PLCB1: variants seen among roughly 807,000 people sequenced by gnomAD.
PLCB1 encodes 1-phosphatidylinositol 4,5-bisphosphate phosphodiesterase beta-1.
PLCB1 carries 46 observed loss-of-function variants against 161.8 expected under a neutral mutation model. The ratio of observed to expected loss-of-function variants is 0.28; its 90% CI spans 0.22 to 0.36. The LOEUF is 0.36. Ranked by LOEUF, PLCB1 falls within the 10% of genes least tolerant of loss-of-function variation. The probability of loss-of-function intolerance (pLI) is 1.00; values close to 1 mark genes in which losing one functional copy is unlikely to be tolerated. For synonymous variants in PLCB1, 517 were observed against 503.7 expected (o/e 1.03, Z -0.35); for missense variants, 1,016 against 1,472.5 (o/e 0.69, Z 5.07).
intron 2 of PLCB1, among the ~76,000 whole-genome samples, chr20:8,274,643 A>T (rs1982441311): frequency 6.6e-6 from 1 of 152,094 alleles, no homozygotes; most frequent in African/African-American, 2.4e-5. Context: ...TTCTTCTCTA[A>T]ATTGTCTCTA....
At chr20:8,367,228 A>T (rs1341984926) in intron 2 of PLCB1, among the ~76,000 whole-genome samples, 1 of 152,254 alleles carries the variant, frequency 6.6e-6, no homozygotes, top group Non-Finnish European at 1.5e-5. Context: ...TCATATTAAC[A>T]AAAGTAATGT....
chr20:8,171,131 C>G (rs2051728577), intron 2 of PLCB1, among the ~76,000 whole-genome samples: 1 of 151,994 alleles, frequency 6.6e-6, no homozygotes, highest in Admixed American at 6.6e-5. Context: ...CTGTAAATAT[C>G]AAGTGAAGTT....
chr20:8,634,588 G>T (rs905131126), intron 4 of PLCB1, among the ~76,000 whole-genome samples: 1 of 152,128 alleles, frequency 6.6e-6, no homozygotes, highest in Admixed American at 6.5e-5. Flanking sequence ...CCTATTTCCT[G>T]AAATTCTCTC....
At chr20:8,339,289 A>G (rs1052973426) in intron 2 of PLCB1, among the ~76,000 whole-genome samples, 1 of 152,146 alleles carries the variant, frequency 6.6e-6, no homozygotes, top group African/African-American at 2.4e-5. Flanking sequence ...GATGGTCTTG[A>G]TCACAGTGGT....
chr20:8,699,033 G>T (rs569928758), intron 11 of PLCB1, among the ~76,000 whole-genome samples: 1 of 152,218 alleles, frequency 6.6e-6, no homozygotes, highest in South Asian at 2.1e-4. Flanking sequence ...GGAAATCTGG[G>T]GTCCTAGGTA....
intron 2 of PLCB1, among the ~76,000 whole-genome samples, chr20:8,214,100 G>A (rs914911929): frequency 1.3e-5 from 2 of 152,136 alleles, no homozygotes; most frequent in Non-Finnish European, 2.9e-5. Context: ...GAGGTAAAGA[G>A]CAGTCTTACA....
chr20:8,135,554 G>T (rs549586932), intron 1 of PLCB1, among the ~76,000 whole-genome samples: 12 of 152,288 alleles, frequency 7.9e-5, no homozygotes, highest in African/African-American at 2.9e-4. Flanking sequence ...ATACCCTGTT[G>T]TACCAGGGCC....
chr20:8,678,647 G>A (rs558810310), intron 9 of PLCB1, among the ~76,000 whole-genome samples: 1 of 152,158 alleles, frequency 6.6e-6, no homozygotes, highest in South Asian at 2.1e-4. Flanking sequence ...CACACAGGTG[G>A]CTTCTTAGCT....
chr20:8,273,174 G>A, intron 2 of PLCB1, among the ~76,000 whole-genome samples: 1 of 152,130 alleles, frequency 6.6e-6, no homozygotes, highest in East Asian at 1.9e-4. Flanking sequence ...CATCATTAAA[G>A]CTGGATGAAC....
chr20:8,519,637 A>G (rs943895047), intron 3 of PLCB1, among the ~76,000 whole-genome samples: 1 of 152,082 alleles, frequency 6.6e-6, no homozygotes, highest in Non-Finnish European at 1.5e-5. Flanking sequence ...AAGGCAGGAG[A>G]CACATTCAGG....
intron 9 of PLCB1, among the ~76,000 whole-genome samples, chr20:8,666,828 C>T (rs1461298736): frequency 1.3e-5 from 2 of 151,916 alleles, no homozygotes; most frequent in African/African-American, 4.8e-5. Context: ...TAGGGAAAAG[C>T]TTTAAAGGTG....
intron 3 of PLCB1, among the ~76,000 whole-genome samples, chr20:8,445,981 A>G (rs1980806016): frequency 6.6e-6 from 1 of 152,220 alleles, no homozygotes; most frequent in South Asian, 2.1e-4. Flanking sequence ...CAGAGGTACA[A>G]GGAGGAGCTG....
At position 8,132,866 on chromosome 20, in the gene PLCB1, G is replaced by A. The variant is rs796914275; in HGVS notation, c.99+116G>A. On this transcript the variant is annotated intron_variant, in intron 1 of 31. Coordinates refer to ENST00000338037, the MANE Select transcript of PLCB1 (RefSeq NM_015192.4). This position sits in a 1 kb window ranked among gnomAD's most constrained non-coding sequence, Gnocchi z 5.2. ...ATGGGCGCACTGGGAGCGGGCAGGG[G>A]CAGCCTCGGGCGCACAGGTTGGCAT... 8.5e-6 allele frequency: 6 copies of A among 702,954 alleles called. No individual in the cohort carries two copies. Among genetic ancestry groups the A allele is most frequent in the African/African-American group, 5.4e-5 (3 of 55,288 alleles). The allele number at this position is 702,954 out of a possible 1,614,324, so 43.5% of individuals were successfully genotyped here. A position where few individuals can be genotyped will look rare whatever the true frequency, so the allele number is the denominator to read the frequency against.
intron 2 of PLCB1, among the ~76,000 whole-genome samples, chr20:8,370,306 C>T (rs1986866011): frequency 1.3e-5 from 2 of 152,206 alleles, no homozygotes; most frequent in Non-Finnish European, 2.9e-5. Context: ...CATTCTTTGG[C>T]CATATTCCTT....
chr20:8,209,468 T>C (rs891040912), intron 2 of PLCB1, among the ~76,000 whole-genome samples: 1 of 152,182 alleles, frequency 6.6e-6, no homozygotes, highest in African/African-American at 2.4e-5. Context: ...AAGAAGTGTG[T>C]AATCTTATGG....
intron 2 of PLCB1, among the ~76,000 whole-genome samples, chr20:8,243,990 G>T (rs1219909687): frequency 6.6e-6 from 1 of 151,778 alleles, no homozygotes; most frequent in African/African-American, 2.4e-5. Context: ...ATACTCTTTT[G>T]TATCAGAGAA....
intron 1 of PLCB1, among the ~76,000 whole-genome samples, chr20:8,138,582 C>T (rs920530894): frequency 3.9e-5 from 6 of 152,172 alleles, no homozygotes; most frequent in African/African-American, 1.2e-4. Flanking sequence ...TAATCTTTTC[C>T]CTTTCTGTTC....
intron 2 of PLCB1, among the ~76,000 whole-genome samples, chr20:8,311,226 AT>A (rs1984386009): frequency 6.6e-6 from 1 of 152,266 alleles, no homozygotes; most frequent in African/African-American, 2.4e-5. Context: ...ATCTGTAAAA[AT>A]AATGTTCTTC....
At chr20:8,315,566 G>C (rs1379097112) in intron 2 of PLCB1, among the ~76,000 whole-genome samples, 1 of 152,172 alleles carries the variant, frequency 6.6e-6, no homozygotes, top group Non-Finnish European at 1.5e-5. Context: ...TTTCTCACTT[G>C]TGTTCTTGTG....
Sources: allele counts gnomAD v4.1 joint callset (sites outside exome capture counted in the v4.1 genomes callset), GRCh38; gene constraint gnomAD v4.1.1; non-coding constraint Gnocchi (gnomAD v3.1); transcripts MANE v1.5; gene names NCBI Gene and HGNC (gene_info 2026-07-23, HGNC 2026-07-21).